Variants in XKR9 observed in about 807,000 individuals in gnomAD.
XKR9 encodes the protein XK related 9.
In XKR9, 32 loss-of-function variants were observed where a neutral mutation model predicts 32.0. The ratio of observed to expected loss-of-function variants is 1.00; its 90% CI spans 0.76 to 1.34. XKR9 has a LOEUF of 1.34. Among genes scored for constraint, XKR9 ranks in the 40% most tolerant of loss-of-function variants. The pLI, the probability that XKR9 is intolerant of heterozygous loss-of-function variation, is 0.00. For synonymous variants in XKR9, 168 were observed against 143.4 expected, an observed-to-expected ratio of 1.17 and a Z score of -1.22; for missense variants, 546 against 429.7, an observed-to-expected ratio of 1.27 and a Z score of -2.39.
chr8:70,737,458 A>G (rs1415432460), downstream of XKR9, among the ~76,000 whole-genome samples: 1,135 of 143,450 alleles, frequency 7.9e-3, no homozygotes, highest in African/African-American at 0.027. Context: ...AATACCCTTT[A>G]TTTCCTTCTC....
the XKR9 span, among the ~76,000 whole-genome samples, chr8:70,959,192 G>A: frequency 7.9e-5 from 12 of 152,234 alleles, no homozygotes; most frequent in East Asian, 2.1e-3. Context: ...ATGTCAAATA[G>A]TAGAGAAGTG....
the XKR9 span, among the ~76,000 whole-genome samples, chr8:70,951,051 G>A: frequency 2.6e-5 from 4 of 152,134 alleles, no homozygotes; most frequent in Admixed American, 6.5e-5. Context: ...GTCATTCAGA[G>A]AGTTACATCT....
At chr8:70,713,788 A>C (rs774574791) in intron 4 of XKR9, among the ~76,000 whole-genome samples, 25 of 152,150 alleles carry the variant, frequency 1.6e-4, no homozygotes, top group Non-Finnish European at 3.7e-4. Flanking sequence ...GGGGTTTTTA[A>C]AGTGTAAAGC....
In XKR9 at chr8:70,734,057, A is replaced by G. The variant is rs984293279; in HGVS notation, c.755A>G (p.Gln252Arg). The change falls in exon 5 of 5, where the codon CAG becomes CGG. Residue 252 changes from glutamine to arginine, a missense_variant. Gln to Arg is a conservative substitution (Grantham distance 43). Coordinates refer to ENST00000408926, the MANE Select transcript of XKR9 (RefSeq NM_001011720.2). ...GIIWAFKNNT[Q>R]FCTCISMEFL... The stretch of plus-strand genomic sequence containing the variant: ...ATATGGGCATTTAAAAACAACACCC[A>G]GTTTTGTACTTGTATAAGTATGGAA... 3 of 1,613,016 alleles carry G rather than the reference A, an allele frequency of 1.9e-6. No individual in the cohort carries two copies. Among genetic ancestry groups the G allele is most frequent in the African/African-American group, 2.7e-5 (2 of 74,882 alleles).
chr8:71,003,162 T>C, the XKR9 span, among the ~76,000 whole-genome samples: 56 of 152,230 alleles, frequency 3.7e-4, no homozygotes, highest in Admixed American at 7.2e-4. Context: ...AGGGAATCAG[T>C]GCTCAGAAAC....
the XKR9 span, among the ~76,000 whole-genome samples, chr8:70,801,934 C>A: frequency 6.7e-6 from 1 of 149,942 alleles, no homozygotes; most frequent in African/African-American, 2.4e-5. Flanking sequence ...TTTTCTTTTT[C>A]TTTCTTTTTT....
intron 4 of XKR9, 123 bp downstream of exon 4, chr8:70,707,276 G>A (rs1327876009): frequency 1.4e-6 from 1 of 692,504 alleles, no homozygotes; most frequent in Non-Finnish European, 2.3e-6. Flanking sequence ...TTTTGAAAAG[G>A]AAGTACAGTA....
chr8:70,795,270 G>C (rs968697718), downstream of XKR9, among the ~76,000 whole-genome samples: 1 of 152,044 alleles, frequency 6.6e-6, no homozygotes, highest in East Asian at 1.9e-4. Context: ...TAAGAATAAT[G>C]GCCTTCAGCT....
chr8:70,767,320 A>C (rs1807390956), intron 2 of XKR9, among the ~76,000 whole-genome samples: 1 of 152,072 alleles, frequency 6.6e-6, no homozygotes. Flanking sequence ...TTCCTGGCTT[A>C]GTCTTGGGAG....
the XKR9 span, among the ~76,000 whole-genome samples, chr8:70,981,777 G>C: frequency 6.6e-6 from 1 of 152,186 alleles, no homozygotes; most frequent in Non-Finnish European, 1.5e-5. Context: ...GACTATGCCA[G>C]AGGGAAGATC....
the XKR9 span, among the ~76,000 whole-genome samples, chr8:70,870,512 A>G: frequency 6.6e-6 from 1 of 152,136 alleles, no homozygotes; most frequent in African/African-American, 2.4e-5. Context: ...TGTGGTTTGG[A>G]ATGTTAGGCA....
the XKR9 span, among the ~76,000 whole-genome samples, chr8:70,926,144 G>C: frequency 1.3e-5 from 2 of 151,982 alleles, no homozygotes; most frequent in African/African-American, 4.8e-5. Context: ...GCGCGATCTC[G>C]GCTCACTGCA....
chr8:71,060,025 T>C, the XKR9 span, among the ~76,000 whole-genome samples: 2 of 152,210 alleles, frequency 1.3e-5, no homozygotes, highest in Non-Finnish European at 2.9e-5. Context: ...AGTTCTCCAG[T>C]TTCTCCACAT....
the XKR9 span, among the ~76,000 whole-genome samples, chr8:70,885,895 C>CT: frequency 6.6e-6 from 1 of 151,080 alleles, no homozygotes; most frequent in African/African-American, 2.4e-5. Flanking sequence ...TGCGCCCGGA[C>CT]TTTTTTTAAT....
the XKR9 span, among the ~76,000 whole-genome samples, chr8:71,059,801 G>A: frequency 3.9e-5 from 6 of 152,258 alleles, no homozygotes; most frequent in East Asian, 1.9e-4. Flanking sequence ...GGGGAGGATC[G>A]TTCCTGTGGT....
At position 70,734,000 on chromosome 8, in the gene XKR9, T is replaced by C; in HGVS notation, c.698T>C (p.Phe233Ser). ...TTCTTAAATGTTAAGATTGCTTTAT[T>C]TCTGTTGTTATTTCTTTGGTTGTTA... ...LLFLNVKIAL[F>S]LLLFLWLLGI... Residue 233 changes from phenylalanine (F) to serine (S), a missense_variant, in exon 5 of 5, where the codon TTT (phenylalanine) becomes TCT (serine). Coordinates refer to ENST00000408926, the MANE Select transcript of XKR9 (RefSeq NM_001011720.2). 1 of 1,612,636 alleles carries C rather than the reference T, an allele frequency of 6.2e-7. No homozygotes were observed. The highest frequency in any genetic ancestry group is 8.5e-7 in the Non-Finnish European group (1 of 1,179,634).
chr8:70,687,645 C>G (rs1200884005), intron 3 of XKR9, among the ~76,000 whole-genome samples: 1 of 152,164 alleles, frequency 6.6e-6, no homozygotes, highest in Non-Finnish European at 1.5e-5. Context: ...GCTGGGATTA[C>G]AAGCATGAGC....
At chr8:71,023,971 T>G in the XKR9 span, among the ~76,000 whole-genome samples, 1 of 152,142 alleles carries the variant, frequency 6.6e-6, no homozygotes, top group Non-Finnish European at 1.5e-5. Context: ...TCCCTAGTGG[T>G]GTATACATAT....
the XKR9 span, among the ~76,000 whole-genome samples, chr8:71,031,100 A>C: frequency 6.6e-6 from 1 of 152,194 alleles, no homozygotes. Context: ...TGGAGACTAC[A>C]TTCTATTTAT....
Sources: gnomAD v4.1 joint callset for allele counts (sites outside exome capture counted in the v4.1 genomes callset) on GRCh38, gnomAD v4.1.1 for gene constraint, MANE v1.5 for transcripts, NCBI Gene and HGNC (gene_info 2026-07-23, HGNC 2026-07-21) for gene names.